MTUS2: variants seen among roughly 807,000 people sequenced by gnomAD.
MTUS2 encodes microtubule-associated tumor suppressor candidate 2.
Under a neutral mutation model 114.1 loss-of-function variants are expected in MTUS2, and 40 were observed. That is an observed-to-expected ratio of 0.35 (90% CI 0.27 to 0.46). The LOEUF is 0.46. Ranked by LOEUF, MTUS2 falls within the 20% of genes least tolerant of loss-of-function variation. The pLI is 1.00. For missense variants in MTUS2, 1,679 were observed against 1,705.4 expected (o/e 0.98, Z 0.27); for synonymous variants, 688 against 672.0 (o/e 1.02, Z -0.37).
chr13:28,971,977 C>G (rs74041679), intron 2 of MTUS2, among the ~76,000 whole-genome samples: 2,780 of 152,282 alleles, frequency 0.018, 81 homozygotes, highest in African/African-American at 0.064. Flanking sequence ...ATTTAAAGTG[C>G]TAATAGCCAA....
chr13:29,333,206 C>CT (rs940337554), intron 7 of MTUS2, among the ~76,000 whole-genome samples: 8 of 151,942 alleles, frequency 5.3e-5, no homozygotes, highest in Middle Eastern at 3.4e-3. Context: ...TCTTTTCTTT[C>CT]TTTTTTTTGA....
intron 9 of MTUS2, among the ~76,000 whole-genome samples, chr13:29,441,753 C>G (rs1052835116): frequency 7.2e-5 from 11 of 152,162 alleles, no homozygotes; most frequent in African/African-American, 2.7e-4. Flanking sequence ...ATTGGCTGCC[C>G]TCCCGTGCAT....
chr13:29,427,560 T>A lies in MTUS2; in HGVS notation c.3118-12423T>A, dbSNP rs1284243327. 2.6e-5 allele frequency among the ~76,000 whole-genome samples: 4 copies of A among 152,354 alleles called. No homozygotes were observed. In the East Asian group the frequency reaches 7.7e-4, roughly 29 times the overall value. ...GCCTTCCTGAAGGATTATGCTAATT[T>A]ACCTGTTAGCTTTAAAGAAAGGTTT... On this transcript the variant is annotated intron_variant, in intron 8 of 15. Coordinates refer to ENST00000612955, the MANE Select transcript of MTUS2 (RefSeq NM_001033602.4).
intron 8 of MTUS2, among the ~76,000 whole-genome samples, chr13:29,398,529 A>G (rs1874088647): frequency 6.6e-6 from 1 of 151,858 alleles, no homozygotes; most frequent in African/African-American, 2.4e-5. Context: ...GTTTCCCCTG[A>G]TAATCTGTGT....
intron 5 of MTUS2, among the ~76,000 whole-genome samples, chr13:29,166,731 G>A (rs1327438311): frequency 6.6e-6 from 1 of 152,060 alleles, no homozygotes; most frequent in Non-Finnish European, 1.5e-5. Flanking sequence ...TTAAAAAGTT[G>A]TTTGAGAATT....
At chr13:29,164,906 G>A (rs1261589604) in intron 5 of MTUS2, among the ~76,000 whole-genome samples, 1 of 152,146 alleles carries the variant, frequency 6.6e-6, no homozygotes, top group African/African-American at 2.4e-5. Context: ...TGAAATTATG[G>A]GAAAGGGCTT....
intron 2 of MTUS2, among the ~76,000 whole-genome samples, chr13:28,944,873 A>G (rs1445926197): frequency 6.6e-6 from 1 of 152,188 alleles, no homozygotes; most frequent in African/African-American, 2.4e-5. Context: ...GTTTTGTTAC[A>G]TGGACATACT....
chr13:29,055,840 CTG>C (rs35661517), intron 4 of MTUS2, among the ~76,000 whole-genome samples: 46,138 of 151,558 alleles, frequency 0.3, 7,618 homozygotes, highest in East Asian at 0.63. Context: ...GATTTGTTGG[CTG>C]TGTGTATGTC....
At chr13:28,991,470 G>A (rs148213549) in intron 2 of MTUS2, among the ~76,000 whole-genome samples, 8,696 of 150,942 alleles carry the variant, frequency 0.058, 289 homozygotes, top group African/African-American at 0.071. Context: ...CCGGGTTCAC[G>A]CCATTCTCCT....
intron 9 of MTUS2, among the ~76,000 whole-genome samples, chr13:29,441,160 A>G (rs1354089946): frequency 6.6e-6 from 1 of 152,106 alleles, no homozygotes; most frequent in East Asian, 1.9e-4. Flanking sequence ...GGACCCTGCT[A>G]CTGCTGCAGG....
In MTUS2 at chr13:29,241,775, CATT is replaced by C. The variant is rs892230034; in HGVS notation, c.2645-39926_2645-39924del. Among the ~76,000 whole-genome samples the C allele has an allele frequency of 8.5e-5, 13 of 152,208 alleles. 2 individuals are homozygous for C. In the East Asian group the frequency reaches 1.5e-3, roughly 18 times the overall value. On this transcript the variant is annotated intron_variant, in intron 5 of 15. Coordinates refer to ENST00000612955, the MANE Select transcript of MTUS2 (RefSeq NM_001033602.4). ...ACCTGATTTTTAAGTGAATGAAAAA[CATT>C]ATGATGGTGGAGGTTGGGCTAGCAC... is the stretch of plus-strand genomic sequence containing the variant.
At chr13:29,428,842 G>T (rs1223011861) in intron 8 of MTUS2, 1 of 1,613,858 alleles carries the variant, frequency 6.2e-7, no homozygotes, top group East Asian at 2.2e-5. Context: ...AGCCTGCCGG[G>T]ATGGGCCATT....
At chr13:29,392,159 A>C (rs1414335781) in intron 8 of MTUS2, among the ~76,000 whole-genome samples, 27 of 132,516 alleles carry the variant, frequency 2.0e-4, no homozygotes, top group South Asian at 5.0e-4. Flanking sequence ...AAAAAAAAAA[A>C]CCAAAAAAAC....
chr13:29,288,321 G>T (rs952783937), intron 6 of MTUS2, among the ~76,000 whole-genome samples: 2 of 152,180 alleles, frequency 1.3e-5, no homozygotes, highest in Non-Finnish European at 2.9e-5. Flanking sequence ...ACCAAAATGG[G>T]AGCAGCAGAT....
intron 11 of MTUS2, chr13:29,489,689 T>C (rs1052901855): frequency 1.3e-5 from 2 of 152,226 alleles, no homozygotes; most frequent in Non-Finnish European, 2.9e-5. Context: ...TAAAACTCCC[T>C]AGGTGATTCT....
Position 29,415,200 on chromosome 13 carries a change from T to A in MTUS2, c.3118-24783T>A, listed in dbSNP as rs569194562. On this transcript the variant is annotated intron_variant, in intron 8 of 15. Transcript: ENST00000612955. ...CTCATGGAACTTACTAGTATTTTCT[T>A]TGTGATCAATTTTGATAAATGGTTT... Among the ~76,000 whole-genome samples the A allele has an allele frequency of 1.1e-4, 16 of 152,258 alleles. No individual in the cohort carries two copies. In the East Asian group the frequency reaches 2.9e-3, roughly 27 times the overall value.
At chr13:28,995,897 C>T (rs1885080261) in intron 2 of MTUS2, among the ~76,000 whole-genome samples, 3 of 152,090 alleles carry the variant, frequency 2.0e-5, no homozygotes. Context: ...TTTCCTTCTC[C>T]TGCCTGATTG....
At chr13:28,851,823 G>GCA (rs1461215016) in intron 2 of MTUS2, among the ~76,000 whole-genome samples, 3 of 151,924 alleles carry the variant, frequency 2.0e-5, no homozygotes, top group African/African-American at 4.8e-5. Context: ...AGGACTTAGC[G>GCA]CCCAGCTTGG....
intron 5 of MTUS2, among the ~76,000 whole-genome samples, chr13:29,181,595 T>A (rs1423167706): frequency 6.6e-6 from 1 of 152,222 alleles, no homozygotes; most frequent in African/African-American, 2.4e-5. Flanking sequence ...TTTAGCAGTT[T>A]TGAAGAGATT....
Sources: allele counts gnomAD v4.1 joint callset (sites outside exome capture counted in the v4.1 genomes callset), GRCh38; gene constraint gnomAD v4.1.1; transcripts MANE v1.5; gene names NCBI Gene and HGNC (gene_info 2026-07-23, HGNC 2026-07-21).